The following YES1 variants were observed in gnomAD, a reference collection of about 807,000 sequenced individuals.
The protein encoded by YES1 is YES proto-oncogene 1, Src family tyrosine kinase.
In YES1, 39 loss-of-function variants were observed where a neutral mutation model predicts 70.4. The observed-to-expected ratio is 0.55, with a 90% confidence interval of 0.43 to 0.72. The LOEUF (loss-of-function observed/expected upper bound fraction) is 0.72, where lower values mean the gene tolerates loss of function less well. Ranked by LOEUF, YES1 falls within the 30% of genes least tolerant of loss-of-function variation. YES1 has a pLI of 0.00. For synonymous variants in YES1, 198 were observed against 218.6 expected (o/e 0.91, Z 0.83); for missense variants, 495 against 644.8 (o/e 0.77, Z 2.52).
chr18:792,561 G>T (rs1048763689), intron 1 of YES1, among the ~76,000 whole-genome samples: 1 of 102,574 alleles, frequency 9.7e-6, no homozygotes, highest in Admixed American at 1.0e-4. Flanking sequence ...CTCTCCCTCT[G>T]TATATGTGTG....
intron 10 of YES1, chr18:736,582 C>T: frequency 2.4e-6 from 1 of 416,060 alleles, no homozygotes; most frequent in African/African-American, 2.0e-5. Flanking sequence ...AAAGAGGCTA[C>T]TACTTGCTCT....
chr18:782,219 C>A (rs1905707273), intron 1 of YES1, among the ~76,000 whole-genome samples: 1 of 152,182 alleles, frequency 6.6e-6, no homozygotes, highest in Admixed American at 6.5e-5. Context: ...TCCTGTGGCA[C>A]AATGGCCTTT....
At chr18:785,521 G>A (rs1235154245) in intron 1 of YES1, among the ~76,000 whole-genome samples, 1 of 152,132 alleles carries the variant, frequency 6.6e-6, no homozygotes, top group African/African-American at 2.4e-5. Flanking sequence ...TCTGGTAGTA[G>A]GGCTGTGGTT....
At chr18:797,751 C>T (rs1180063644) in intron 1 of YES1, among the ~76,000 whole-genome samples, 2 of 152,142 alleles carry the variant, frequency 1.3e-5, no homozygotes, top group Non-Finnish European at 2.9e-5. Flanking sequence ...CATTTATTAA[C>T]GTTCACCTTT....
At chr18:731,313 G>A (rs1055098489) in intron 11 of YES1, among the ~76,000 whole-genome samples, 3 of 152,188 alleles carry the variant, frequency 2.0e-5, no homozygotes. Context: ...TGTGTATTAA[G>A]ATGACAATGA....
chr18:771,668 C>T (rs1905163691), intron 1 of YES1, among the ~76,000 whole-genome samples: 1 of 151,998 alleles, frequency 6.6e-6, no homozygotes, highest in Non-Finnish European at 1.5e-5. Context: ...CCCACCTCAG[C>T]CTCTCTAGTA....
intron 1 of YES1, among the ~76,000 whole-genome samples, chr18:760,196 A>C (rs1904515219): frequency 6.6e-6 from 1 of 152,100 alleles, no homozygotes. Context: ...GGGACTGGGC[A>C]CAGTGGCTCA....
At chr18:733,352 T>C (rs1384058115) in intron 10 of YES1, among the ~76,000 whole-genome samples, 4 of 152,362 alleles carry the variant, frequency 2.6e-5, no homozygotes, top group Admixed American at 2.6e-4. Flanking sequence ...TTATAATGTT[T>C]ATGGGTTTTC....
At chr18:746,158 C>CT (rs2080278921) in intron 4 of YES1, 107 bp from the exon 5 acceptor site, 1 of 741,188 alleles carries the variant, frequency 1.3e-6, no homozygotes, top group Admixed American at 2.7e-5. Flanking sequence ...CAAAGAATAG[C>CT]TAGAGAACAT....
At chr18:759,762 G>A (rs374841402) in intron 1 of YES1, among the ~76,000 whole-genome samples, 2 of 151,674 alleles carry the variant, frequency 1.3e-5, no homozygotes, top group African/African-American at 2.4e-5. Context: ...TGTGCACAAC[G>A]TGCAGGTTAC....
chr18:756,922 G>C (rs2080414949), intron 1 of YES1, 87 bp from the exon 2 acceptor site: 2 of 1,273,934 alleles, frequency 1.6e-6, no homozygotes, highest in Non-Finnish European at 2.1e-6. Context: ...TTTAAGAAAA[G>C]CATATGCCAT....
chr18:728,242 C>G (rs2080044939), intron 11 of YES1, among the ~76,000 whole-genome samples: 1 of 151,778 alleles, frequency 6.6e-6, no homozygotes, highest in South Asian at 2.1e-4. Context: ...GGGAGGATCA[C>G]CTGAGCCCAG....
chr18:755,687 G>A (rs2080397466), intron 2 of YES1, among the ~76,000 whole-genome samples: 1 of 152,124 alleles, frequency 6.6e-6, no homozygotes, highest in Non-Finnish European at 1.5e-5. Context: ...GATGCTGGCA[G>A]CTGTTTTGCC....
intron 1 of YES1, among the ~76,000 whole-genome samples, chr18:791,970 C>T (rs2145818169): frequency 6.6e-6 from 1 of 152,200 alleles, no homozygotes; most frequent in South Asian, 2.1e-4. Flanking sequence ...GTATTTTACA[C>T]TTACAGTACA....
Position 739,738 on chromosome 18 carries a change from A to G in YES1, c.1134T>C (p.Ala378=). The G allele has an allele frequency of 1.9e-6, 3 of 1,610,602 alleles. No individual in the cohort carries two copies. Among genetic ancestry groups the G allele is most frequent in the Non-Finnish European group, 2.5e-6 (3 of 1,178,290 alleles). ...ATACATGTATATATACAGATACCTGAGCAGCCATATCAACCAGCTGTGGAA... is the reference window on the plus strand; with the variant it reads ...ATACATGTATATATACAGATACCTGGGCAGCCATATCAACCAGCTGTGGAA... ...LKLPQLVDMA[A]QIADGMAYIE... Residue 378 remains alanine (A), a synonymous_variant, in exon 9 of 12, where the codon GCT becomes GCC. Transcript: ENST00000314574.
At chr18:751,327 TC>T (rs1478078818) in intron 3 of YES1, among the ~76,000 whole-genome samples, 1 of 151,340 alleles carries the variant, frequency 6.6e-6, no homozygotes, top group Non-Finnish European at 1.5e-5. Context: ...CCCAACTTTC[TC>T]CCCCTCCTTT....
intron 1 of YES1, among the ~76,000 whole-genome samples, chr18:791,650 AAG>A (rs1207454676): frequency 6.6e-6 from 1 of 152,200 alleles, no homozygotes; most frequent in African/African-American, 2.4e-5. Flanking sequence ...ATAAAACAGA[AAG>A]AGATTAATTT....
intron 1 of YES1, among the ~76,000 whole-genome samples, chr18:784,907 G>A (rs539261848): frequency 6.5e-4 from 99 of 152,264 alleles, no homozygotes; most frequent in African/African-American, 2.0e-3. Flanking sequence ...CAAAGGTTCC[G>A]AGAATTCACA....
At chr18:727,080 C>T (rs2080029897) in intron 11 of YES1, among the ~76,000 whole-genome samples, 1 of 152,068 alleles carries the variant, frequency 6.6e-6, no homozygotes, top group Admixed American at 6.6e-5. Context: ...GGGTAATCTA[C>T]AAATCGTTTA....
Sources: allele counts gnomAD v4.1 joint callset (sites outside exome capture counted in the v4.1 genomes callset), GRCh38; gene constraint gnomAD v4.1.1; transcripts MANE v1.5; gene names NCBI Gene and HGNC (gene_info 2026-07-23, HGNC 2026-07-21).